The following MACF1 variants were observed in gnomAD, a reference collection of about 807,000 sequenced individuals.
The protein encoded by MACF1 is microtubule actin crosslinking factor 1.
In MACF1, 193 loss-of-function variants were observed where a neutral mutation model predicts 854.8. The observed-to-expected ratio is 0.23, with a 90% CI of 0.20 to 0.25. The LOEUF (loss-of-function observed/expected upper bound fraction) is 0.25, where lower values mean the gene tolerates loss of function less well. Ranked by LOEUF, MACF1 falls within the 10% of genes least tolerant of loss-of-function variation. The probability of loss-of-function intolerance (pLI) is 1.00; values close to 1 mark genes in which losing one functional copy is unlikely to be tolerated. For missense variants in MACF1, 7,722 were observed against 8,929.1 expected (o/e 0.86, Z 5.45); for synonymous variants, 3,185 against 3,226.7 (o/e 0.99, Z 0.44).
chr1:39,393,188 A>ATATATATATATAT (rs1365389099), intron 58 of MACF1, among the ~76,000 whole-genome samples: 13 of 88,186 alleles, frequency 1.5e-4, no homozygotes, highest in African/African-American at 8.2e-4. Context: ...GGGTAAAAAA[A>ATATATATATATAT]AAAAAAAAAT....
chr1:39,356,211 A>G (rs1647549908), intron 44 of MACF1, among the ~76,000 whole-genome samples: 1 of 152,210 alleles, frequency 6.6e-6, no homozygotes, highest in South Asian at 2.1e-4. Flanking sequence ...AGGTCTATGT[A>G]TAAGCACATA....
At chr1:39,366,234 C>T (rs937883200) in intron 49 of MACF1, among the ~76,000 whole-genome samples, 8 of 152,194 alleles carry the variant, frequency 5.3e-5, no homozygotes, top group African/African-American at 1.7e-4. Flanking sequence ...CACGCAAACA[C>T]ATATACATAC....
At chr1:39,291,122 G>A (rs575632347) in intron 15 of MACF1, among the ~76,000 whole-genome samples, 6 of 151,186 alleles carry the variant, frequency 4.0e-5, no homozygotes, top group South Asian at 4.2e-4. Flanking sequence ...GATTACAGGC[G>A]CCCACCACCA....
At chr1:39,352,007 T>C (rs2148503041) in intron 43 of MACF1, among the ~76,000 whole-genome samples, 1 of 152,312 alleles carries the variant, frequency 6.6e-6, no homozygotes, top group East Asian at 1.9e-4. Context: ...ACGATGGGAA[T>C]CGTGGCACTC....
Position 39,486,476 on chromosome 1 carries a change from C to G in MACF1, c.*682C>G, listed in dbSNP as rs926164493. 1 of 152,568 alleles carries G rather than the reference C, an allele frequency of 6.6e-6. No homozygotes were observed. Among genetic ancestry groups the G allele is most frequent in the African/African-American group, 2.4e-5 (1 of 41,416 alleles). The allele number at this position is 152,568 out of a possible 1,614,324, so 9.5% of individuals were successfully genotyped here. On this transcript the variant is annotated 3_prime_UTR_variant, in exon 101 of 101. Transcript: ENST00000564288. Reference sequence around the variant, plus strand: ...GTAAATGTAAGTGTTCAGAAAACGTCAGAACATTTGGGGTTTTAAACTGAT... The same window carrying G: ...GTAAATGTAAGTGTTCAGAAAACGTGAGAACATTTGGGGTTTTAAACTGAT...
chr1:39,268,053 A>G (rs988191501), intron 6 of MACF1, among the ~76,000 whole-genome samples: 2 of 152,146 alleles, frequency 1.3e-5, no homozygotes, highest in African/African-American at 2.4e-5. Context: ...TCTTTTGGGC[A>G]TCTTGGTGCA....
chr1:39,135,583 A>C (rs369122480), intron 2 of MACF1, among the ~76,000 whole-genome samples: 2 of 152,256 alleles, frequency 1.3e-5, no homozygotes, highest in African/African-American at 4.8e-5. Context: ...GGTGCGTTCA[A>C]AGGCTTCAAA....
At chr1:39,477,070 T>TACACACACACAC (rs1224707870) in intron 97 of MACF1, among the ~76,000 whole-genome samples, 5 of 43,194 alleles carry the variant, frequency 1.2e-4, no homozygotes, top group Non-Finnish European at 1.9e-4. Flanking sequence ...TATATATATA[T>TACACACACACAC]ATATATATAT....
At chr1:39,126,714 G>T (rs1157420090) in intron 2 of MACF1, among the ~76,000 whole-genome samples, 1 of 151,962 alleles carries the variant, frequency 6.6e-6, no homozygotes, top group Admixed American at 6.6e-5. Flanking sequence ...TTGAGCTTGG[G>T]AGGCAGAGAT....
At chr1:39,339,275 T>C (rs1397115036) in intron 38 of MACF1, among the ~76,000 whole-genome samples, 1 of 151,980 alleles carries the variant, frequency 6.6e-6, no homozygotes, top group East Asian at 1.9e-4. Flanking sequence ...AAGAAAAATA[T>C]ATTCAAAAGC....
At chr1:39,412,469 C>T (rs1643059532) in intron 58 of MACF1, 1 of 1,614,052 alleles carries the variant, frequency 6.2e-7, no homozygotes, top group Non-Finnish European at 8.5e-7. Flanking sequence ...GAGGATCAAG[C>T]TCCAGCACAT....
chr1:39,094,224 C>T (rs1320823049), intron 2 of MACF1, among the ~76,000 whole-genome samples: 4 of 151,886 alleles, frequency 2.6e-5, no homozygotes, highest in African/African-American at 7.3e-5. Context: ...GTGGGAGGCT[C>T]GCTTGAAGCC....
chr1:39,452,574 T>C, intron 86 of MACF1, 110 bp from the exon 87 acceptor site: 1 of 1,392,304 alleles, frequency 7.2e-7, no homozygotes, highest in South Asian at 1.3e-5. Flanking sequence ...GGAGTTTTGA[T>C]GAGGCCATGA....
intron 1 of MACF1, among the ~76,000 whole-genome samples, chr1:39,225,217 C>CTTTT (rs139578945): frequency 1.6e-5 from 2 of 125,194 alleles, no homozygotes; most frequent in South Asian, 2.5e-4. Flanking sequence ...TTTCTTTTTT[C>CTTTT]TTTTTTTTTT....
intron 2 of MACF1, among the ~76,000 whole-genome samples, chr1:39,232,861 C>G (rs1392761336): frequency 6.6e-6 from 1 of 151,622 alleles, no homozygotes; most frequent in South Asian, 2.1e-4. Flanking sequence ...CAGCTCACTG[C>G]AGCCCTAACC....
At position 39,324,862 on chromosome 1, in the gene MACF1, A is replaced by G. The variant is rs1646580351; in HGVS notation, c.4478+128A>G. Reference sequence around the variant, plus strand: ...AAGAGCCAGATTATGGGGACCCTGTAGTTCATACGGAGGAGTTTGCATTTA... The same window carrying G: ...AAGAGCCAGATTATGGGGACCCTGTGGTTCATACGGAGGAGTTTGCATTTA... On this transcript the variant is annotated intron_variant, in intron 35 of 100. Transcript: ENST00000564288. The G allele has an allele frequency of 1.7e-5, 11 of 640,922 alleles. No homozygotes were observed. In the South Asian group the frequency reaches 2.2e-4, roughly 13 times the overall value. The allele number at this position is 640,922 out of a possible 1,614,324, so 39.7% of individuals were successfully genotyped here.
chr1:39,098,304 G>A (rs181303489), intron 2 of MACF1, among the ~76,000 whole-genome samples: 5 of 152,232 alleles, frequency 3.3e-5, no homozygotes, highest in African/African-American at 1.2e-4. Context: ...TTAGGAGGCA[G>A]ATGTGCTACA....
intron 41 of MACF1, among the ~76,000 whole-genome samples, chr1:39,349,119 C>T (rs1241784125): frequency 6.6e-6 from 1 of 152,132 alleles, no homozygotes; most frequent in Non-Finnish European, 1.5e-5. Context: ...AGGGATTGAT[C>T]AGAACCACTA....
chr1:39,421,503 C>T (rs564856482), intron 58 of MACF1, among the ~76,000 whole-genome samples: 2 of 152,114 alleles, frequency 1.3e-5, no homozygotes, highest in African/African-American at 4.8e-5. Context: ...GGCTCTTGAT[C>T]AGAATGAAGT....
Sources: gnomAD v4.1 joint callset for allele counts (sites outside exome capture counted in the v4.1 genomes callset) on GRCh38, gnomAD v4.1.1 for gene constraint, MANE v1.5 for transcripts, NCBI Gene and HGNC (gene_info 2026-07-23, HGNC 2026-07-21) for gene names.